TMEM135: variants seen among roughly 807,000 people sequenced by gnomAD.
The protein encoded by TMEM135 is transmembrane protein 135, also known as peroxisomal membrane protein 52.
Under a neutral mutation model 60.3 loss-of-function variants are expected in TMEM135, and 30 were observed. The observed-to-expected ratio is 0.50, with a 90% CI of 0.37 to 0.68. The LOEUF (loss-of-function observed/expected upper bound fraction) is 0.68. TMEM135 is among the 30% of genes least tolerant of loss of function. The pLI, the probability that TMEM135 is intolerant of heterozygous loss-of-function variation, is 0.00. For missense variants in TMEM135, 468 were observed against 548.8 expected (o/e 0.85, Z 1.47); for synonymous variants, 190 against 186.7 (o/e 1.02, Z -0.14).
chr11:87,144,844 T>C (rs1591053403), intron 4 of TMEM135, among the ~76,000 whole-genome samples: 1 of 152,196 alleles, frequency 6.6e-6, no homozygotes, highest in South Asian at 2.1e-4. Flanking sequence ...AATTCATAAT[T>C]GTATACATTT....
chr11:87,211,057 G>T (rs1435720283), intron 5 of TMEM135, among the ~76,000 whole-genome samples: 1 of 152,138 alleles, frequency 6.6e-6, no homozygotes, highest in Admixed American at 6.5e-5. Flanking sequence ...AATGGCAACA[G>T]CTGAAGCATT....
At chr11:87,237,395 TC>T (rs547960388) in intron 6 of TMEM135, among the ~76,000 whole-genome samples, 118 of 152,090 alleles carry the variant, frequency 7.8e-4, no homozygotes, top group Non-Finnish European at 1.4e-3. Flanking sequence ...TTTGGATAGA[TC>T]TTTTTATATA....
intron 5 of TMEM135, among the ~76,000 whole-genome samples, chr11:87,202,897 G>T (rs1276410275): frequency 6.6e-6 from 1 of 151,628 alleles, no homozygotes; most frequent in African/African-American, 2.4e-5. Context: ...GCTGGGCGTG[G>T]TGGCTGGCGC....
At chr11:87,090,154 C>T (rs781498350) in intron 3 of TMEM135, among the ~76,000 whole-genome samples, 2 of 151,994 alleles carry the variant, frequency 1.3e-5, no homozygotes, top group African/African-American at 2.4e-5. Flanking sequence ...ATCCCCTTCC[C>T]CTTTTAACCA....
intron 8 of TMEM135, among the ~76,000 whole-genome samples, chr11:87,304,108 C>T (rs1942493775): frequency 6.6e-6 from 1 of 152,176 alleles, no homozygotes; most frequent in Non-Finnish European, 1.5e-5. Flanking sequence ...TGGTGGCTCA[C>T]ACCTGTAAAA....
chr11:87,161,031 T>G (rs568905305), intron 5 of TMEM135, among the ~76,000 whole-genome samples: 2 of 152,232 alleles, frequency 1.3e-5, no homozygotes, highest in East Asian at 3.9e-4. Context: ...TCCTGAGTAG[T>G]TGGGACCACA....
intron 4 of TMEM135, among the ~76,000 whole-genome samples, chr11:87,094,249 A>G (rs1471768735): frequency 6.6e-6 from 1 of 152,156 alleles, no homozygotes; most frequent in East Asian, 1.9e-4. Context: ...TTCCCCAAAA[A>G]CCAAATTACA....
intron 5 of TMEM135, among the ~76,000 whole-genome samples, chr11:87,178,735 T>A (rs906193973): frequency 1.3e-5 from 2 of 152,108 alleles, no homozygotes; most frequent in Non-Finnish European, 2.9e-5. Flanking sequence ...CAACATAATG[T>A]TTTTGAGGTT....
At chr11:87,227,486 A>G (rs1313176756) in intron 5 of TMEM135, among the ~76,000 whole-genome samples, 1 of 151,970 alleles carries the variant, frequency 6.6e-6, no homozygotes. Context: ...CTTTCCCTGT[A>G]TTTGTTTTAT....
chr11:87,196,489 C>G (rs2135324310), intron 5 of TMEM135, among the ~76,000 whole-genome samples: 1 of 152,194 alleles, frequency 6.6e-6, no homozygotes, highest in Middle Eastern at 3.4e-3. Flanking sequence ...ATATGCAAAT[C>G]TTTTGGTCCT....
At chr11:87,169,615 G>A (rs1019492319) in intron 5 of TMEM135, among the ~76,000 whole-genome samples, 2 of 152,138 alleles carry the variant, frequency 1.3e-5, no homozygotes, top group Admixed American at 6.6e-5. Context: ...CTTTAAGAAT[G>A]TTGAATATTG....
intron 5 of TMEM135, among the ~76,000 whole-genome samples, chr11:87,200,198 T>TA (rs1299166315): frequency 1.3e-5 from 2 of 152,152 alleles, no homozygotes; most frequent in Non-Finnish European, 2.9e-5. Flanking sequence ...TTAATTTTAA[T>TA]AGGAAATAGC....
chr11:87,110,322 G>T (rs1857709638), intron 4 of TMEM135, among the ~76,000 whole-genome samples: 1 of 152,122 alleles, frequency 6.6e-6, no homozygotes, highest in Non-Finnish European at 1.5e-5. Flanking sequence ...GGAAGGCCGG[G>T]CATGGCGGCT....
intron 5 of TMEM135, among the ~76,000 whole-genome samples, chr11:87,230,949 G>C (rs1591122374): frequency 6.6e-6 from 1 of 152,006 alleles, no homozygotes; most frequent in African/African-American, 2.4e-5. Context: ...TCCAGTTGGA[G>C]AGTGGAAGCA....
Position 87,053,540 on chromosome 11 carries a change from A to G in TMEM135, c.142-14154A>G, listed in dbSNP as rs753874628. ...GGGAGTTGAAGTGATGGCTTAACAA[A>G]GAACTAAATAAAATATTTTGAAGAA... On this transcript the variant is annotated intron_variant, in intron 1 of 14. Transcript: ENST00000305494. 4.3e-4 allele frequency among the ~76,000 whole-genome samples: 66 copies of G among 152,324 alleles called. No homozygotes were observed. The Middle Eastern group carries it at 0.014, about 31-fold the overall frequency.
rs1295673282 is a variant in TMEM135, at chr11:87,054,118, A to G, written c.142-13576A>G. ...AAATAAATTAAAGAAGATTTTAACTAACTTGGCTCATAGCAGTATTGAAAA... is the reference window on the plus strand; with the variant it reads ...AAATAAATTAAAGAAGATTTTAACTGACTTGGCTCATAGCAGTATTGAAAA... On this transcript the variant is annotated intron_variant, in intron 1 of 14. Coordinates refer to ENST00000305494, the MANE Select transcript of TMEM135 (RefSeq NM_022918.4). Among the ~76,000 whole-genome samples, 3 of 152,352 alleles carry G rather than the reference A, an allele frequency of 2.0e-5. No homozygotes were observed. In the East Asian group the frequency reaches 5.8e-4, roughly 29 times the overall value.
chr11:87,314,716 A>G (rs1942697353), intron 12 of TMEM135, among the ~76,000 whole-genome samples, 169 bp downstream of exon 12: 1 of 151,836 alleles, frequency 6.6e-6, no homozygotes, highest in South Asian at 2.1e-4. Context: ...GTTATTTTCA[A>G]ATATACATTA....
At position 87,157,392 on chromosome 11, in the gene TMEM135, T is replaced by C; in HGVS notation, c.448T>C (p.Leu150=). ...MGVARGTITT[L]RNGEVLLFCI... is the part of the protein sequence containing the mutation. ...TGTAGCAAGAGGAACCATCACAACA[T>C]TAAGAAATGGAGAAGTAAGATGAGA... Residue 150 remains leucine, a synonymous_variant, in exon 5 of 15, where the codon TTA becomes CTA. Transcript: ENST00000305494. The C allele has an allele frequency of 1.9e-6, 3 of 1,613,014 alleles. No homozygotes were observed.
chr11:87,223,372 G>A lies in TMEM135; in HGVS notation c.463-13266G>A, dbSNP rs558681173. Among the ~76,000 whole-genome samples, 378 of 151,374 alleles carry A rather than the reference G, an allele frequency of 2.5e-3. 1 individual carries two copies. The highest frequency in any genetic ancestry group is 8.8e-3 in the African/African-American group (361 of 41,244). On this transcript the variant is annotated intron_variant, in intron 5 of 14. Transcript: ENST00000305494. ...TTTTTAATAGAGCCGGGGTTTCACC[G>A]TGTTAGCCAGGATGGTCTCCATCTC...
Sources: allele counts gnomAD v4.1 joint callset (sites outside exome capture counted in the v4.1 genomes callset), GRCh38; gene constraint gnomAD v4.1.1; transcripts MANE v1.5; gene names NCBI Gene and HGNC (gene_info 2026-07-23, HGNC 2026-07-21).